The following PLOD2 variants were observed in gnomAD, a reference collection of about 807,000 sequenced individuals.
PLOD2 encodes lysine hydroxylase 2.
A neutral mutation model predicts 101.0 loss-of-function variants in PLOD2; 65 were observed. That is an observed-to-expected ratio of 0.64 (90% CI 0.53 to 0.79). The LOEUF is 0.79. Among genes scored for constraint, PLOD2 ranks in the 30% least tolerant of loss-of-function variants. The pLI is 0.00. For missense variants in PLOD2, 909 were observed against 914.6 expected (o/e 0.99, Z 0.08); for synonymous variants, 314 against 302.9 (o/e 1.04, Z -0.38).
At chr3:146,102,879 T>C in intron 6 of PLOD2, 27 bp from the exon 7 acceptor site, 4 of 1,221,816 alleles carry the variant, frequency 3.3e-6, no homozygotes, top group Non-Finnish European at 3.6e-6. Context: ...AAATAGGCTT[T>C]AGTAATTTAA....
chr3:146,138,462 A>C (rs1455071569), intron 1 of PLOD2, among the ~76,000 whole-genome samples: 1 of 152,170 alleles, frequency 6.6e-6, no homozygotes, highest in African/African-American at 2.4e-5. Context: ...ACCAAGTTTC[A>C]CTGAGAGGGT....
In PLOD2 at chr3:146,110,285, C is replaced by A; in HGVS notation, c.502G>T (p.Gly168Ter). 1 of 1,612,958 alleles carries A rather than the reference C, an allele frequency of 6.2e-7. No homozygotes were observed. Among genetic ancestry groups the A allele is most frequent in the Non-Finnish European group, 8.5e-7 (1 of 1,179,140 alleles). The change falls in exon 4 of 20, where the codon GGA becomes TGA. Residue 168 changes from glycine to a stop codon, truncating the protein, a stop_gained and splice_region_variant. Coordinates refer to ENST00000282903, the MANE Select transcript of PLOD2 (RefSeq NM_182943.3). LOFTEE classifies it high-confidence loss of function. ...ACTTTTCTTCCAGTATCTAACTCAC[C>A]TCCTGAATTCAGATAGCGTTTCCCA... ...HIGKRYLNSG[G>*]FIGYAPYVNR...
In PLOD2 at chr3:146,104,133, T is replaced by TTTTTTTA. The variant is rs1028902781; in HGVS notation, c.679+145_679+146insTAAAAAA. On this transcript the variant is annotated intron_variant, in intron 6 of 19. Coordinates refer to ENST00000282903, the MANE Select transcript of PLOD2 (RefSeq NM_182943.3). The stretch of plus-strand genomic sequence containing the variant: ...AATGTACTGATGTTAAGTTCAAGTC[T>TTTTTTTA]AGTATTTTTGTTAAGTTACAATAAT... 2.6e-4 allele frequency: 177 copies of TTTTTTTA among 678,248 alleles called. No homozygotes were observed. The African/African-American group carries it at 2.8e-3, about 11-fold the overall frequency. 42.0% of individuals were successfully genotyped at this position (678,248 alleles called of 1,614,324 possible).
chr3:146,105,271 C>T (rs917055968), intron 5 of PLOD2: 1 of 152,202 alleles, frequency 6.6e-6, no homozygotes, highest in African/African-American at 2.4e-5. Context: ...AGACAAAAGC[C>T]TGTGTCTATA....
intron 11 of PLOD2, among the ~76,000 whole-genome samples, chr3:146,083,145 T>A (rs1324951116): frequency 6.6e-6 from 1 of 152,156 alleles, no homozygotes; most frequent in Non-Finnish European, 1.5e-5. Context: ...CCTGAAAAGG[T>A]TTAAACCAAC....
intron 1 of PLOD2, among the ~76,000 whole-genome samples, chr3:146,140,156 T>A (rs976615396): frequency 6.6e-6 from 1 of 151,996 alleles, no homozygotes; most frequent in African/African-American, 2.4e-5. Flanking sequence ...GGTCAGGTTA[T>A]GTCTGAAAGA....
intron 6 of PLOD2, 43 bp from the exon 7 acceptor site, chr3:146,102,895 G>A (rs373434751): frequency 1.1e-5 from 11 of 981,540 alleles, no homozygotes; most frequent in African/African-American, 6.4e-5. Flanking sequence ...TTTAAAATAC[G>A]TGTGTGTGTG....
At chr3:146,150,260 T>C (rs1363763387) in intron 1 of PLOD2, among the ~76,000 whole-genome samples, 3 of 152,216 alleles carry the variant, frequency 2.0e-5, no homozygotes, top group Non-Finnish European at 4.4e-5. Flanking sequence ...TGCAATCATA[T>C]TTTAAAGATA....
chr3:146,083,642 C>T (rs934792560), intron 11 of PLOD2, among the ~76,000 whole-genome samples: 61 of 143,366 alleles, frequency 4.3e-4, no homozygotes, highest in African/African-American at 1.4e-3. Flanking sequence ...AGTGCAGTGG[C>T]GCAATCTTGG....
chr3:146,110,144 G>T, intron 4 of PLOD2, 141 bp downstream of exon 4: 1 of 723,208 alleles, frequency 1.4e-6, no homozygotes, highest in Non-Finnish European at 2.4e-6. Context: ...CATAATACAT[G>T]GGAAAATGCT....
intron 4 of PLOD2, among the ~76,000 whole-genome samples, chr3:146,109,615 T>A (rs1937592852): frequency 6.6e-6 from 1 of 152,250 alleles, no homozygotes; most frequent in Non-Finnish European, 1.5e-5. Flanking sequence ...TTTGGTTATG[T>A]CTTTTGTCCC....
rs369210270 is a variant in PLOD2 at position 146,102,899 on chromosome 3, G to A, written c.680-47C>T. 1.0e-4 allele frequency: 92 copies of A among 924,358 alleles called. No homozygotes were observed. The African/African-American group carries it at 1.4e-3, about 14-fold the overall frequency. 57.3% of individuals were successfully genotyped at this position (924,358 alleles called of 1,614,324 possible). On this transcript the variant is annotated intron_variant, in intron 6 of 19. Transcript: ENST00000282903. ...GGCTTTAGTAATTTAAAATACGTGT[G>A]TGTGTGTCTGTATTCGTGTGTCTGT... is the stretch of plus-strand genomic sequence containing the variant.
At chr3:146,153,483 G>A (rs1412222404) in intron 1 of PLOD2, among the ~76,000 whole-genome samples, 1 of 152,134 alleles carries the variant, frequency 6.6e-6, no homozygotes, top group Non-Finnish European at 1.5e-5. Flanking sequence ...CACAAAAGTT[G>A]TGGCTTCAAA....
chr3:146,120,433 T>G (rs1424913522), intron 3 of PLOD2, among the ~76,000 whole-genome samples: 2 of 152,104 alleles, frequency 1.3e-5, no homozygotes, highest in African/African-American at 4.8e-5. Context: ...AAGCTGAAAC[T>G]TGATCCCTTC....
chr3:146,109,952 TTATCC>T (rs1317799574), intron 4 of PLOD2, among the ~76,000 whole-genome samples: 2 of 152,130 alleles, frequency 1.3e-5, no homozygotes, highest in African/African-American at 4.8e-5. Context: ...ACTAAACTTA[TTATCC>T]TAGAGCAAGA....
At chr3:146,096,903 G>A (rs1363730062) in intron 7 of PLOD2, among the ~76,000 whole-genome samples, 3 of 115,350 alleles carry the variant, frequency 2.6e-5, no homozygotes, top group African/African-American at 7.0e-5. Flanking sequence ...TCGGCCAGCC[G>A]CCCCGTCCAG....
intron 10 of PLOD2, 134 bp downstream of exon 10, chr3:146,086,653 T>G: frequency 1.8e-6 from 1 of 548,538 alleles, no homozygotes; most frequent in Non-Finnish European, 3.2e-6. Flanking sequence ...ACAGTCTAAG[T>G]TGGCTACTGC....
intron 1 of PLOD2, among the ~76,000 whole-genome samples, chr3:146,156,661 T>C (rs2032312928): frequency 6.6e-6 from 1 of 152,270 alleles, no homozygotes; most frequent in Non-Finnish European, 1.5e-5. Flanking sequence ...CTGTGCCTAC[T>C]CCTTTCTCCT....
At chr3:146,118,533 T>C (rs1461781501) in intron 3 of PLOD2, among the ~76,000 whole-genome samples, 7 of 152,030 alleles carry the variant, frequency 4.6e-5, no homozygotes, top group African/African-American at 1.4e-4. Context: ...TGAGAAAAAA[T>C]ATGTAAAAAG....
Sources: gnomAD v4.1 joint callset for allele counts (sites outside exome capture counted in the v4.1 genomes callset) on GRCh38, gnomAD v4.1.1 for gene constraint, MANE v1.5 for transcripts, NCBI Gene and HGNC (gene_info 2026-07-23, HGNC 2026-07-21) for gene names.